The following MIS18A variants were observed in gnomAD, a reference collection of about 807,000 sequenced individuals.
MIS18A encodes the protein protein Mis18-alpha.
Under a neutral mutation model 25.0 loss-of-function variants are expected in MIS18A, and 14 were observed. The ratio of observed to expected loss-of-function variants is 0.56; its 90% CI spans 0.37 to 0.88. MIS18A has a LOEUF of 0.88. Among genes scored for constraint, MIS18A ranks in the 40% least tolerant of loss-of-function variants. The pLI, the probability that MIS18A is intolerant of heterozygous loss-of-function variation, is 0.00. For missense variants in MIS18A, 292 were observed against 290.8 expected (o/e 1.00, Z -0.03); for synonymous variants, 134 against 118.6 (o/e 1.13, Z -0.84).
chr21:32,206,516 T>C, the MIS18A span, among the ~76,000 whole-genome samples: 1 of 152,222 alleles, frequency 6.6e-6, no homozygotes, highest in South Asian at 2.1e-4. Flanking sequence ...TTAGCTTAAA[T>C]GGAGGGAAAA....
the MIS18A span, among the ~76,000 whole-genome samples, chr21:32,188,845 G>A: frequency 1.3e-5 from 2 of 152,220 alleles, no homozygotes; most frequent in East Asian, 3.8e-4. Context: ...ACGAGGCAGT[G>A]AGTGCCTCTG....
chr21:32,255,365 G>A, the MIS18A span, among the ~76,000 whole-genome samples: 20 of 151,804 alleles, frequency 1.3e-4, no homozygotes, highest in African/African-American at 3.6e-4. Context: ...TGAGTAGCTC[G>A]GATTACAGGT....
chr21:32,197,035 T>TA, the MIS18A span, among the ~76,000 whole-genome samples: 2 of 151,390 alleles, frequency 1.3e-5, no homozygotes, highest in Non-Finnish European at 2.9e-5. Context: ...ACAGCAGGAT[T>TA]AAAAAAAAAT....
chr21:32,229,178 T>C, the MIS18A span, among the ~76,000 whole-genome samples: 1 of 152,198 alleles, frequency 6.6e-6, no homozygotes, highest in Non-Finnish European at 1.5e-5. Flanking sequence ...ACTGGATATA[T>C]GTCAAAAAAA....
At chr21:32,183,001 T>A in the MIS18A span, among the ~76,000 whole-genome samples, 5 of 152,170 alleles carry the variant, frequency 3.3e-5, no homozygotes, top group African/African-American at 9.7e-5. Flanking sequence ...CCATTTCTTC[T>A]GGGGATTAGT....
At chr21:32,207,989 T>C in the MIS18A span, among the ~76,000 whole-genome samples, 3 of 152,248 alleles carry the variant, frequency 2.0e-5, no homozygotes, top group African/African-American at 7.2e-5. Context: ...TGCATTTTCA[T>C]TTGGCACTGG....
intron 4 of MIS18A, 88 bp from the exon 5 acceptor site, chr21:32,269,205 A>C: frequency 1.0e-6 from 1 of 995,196 alleles, no homozygotes; most frequent in Non-Finnish European, 1.5e-6. Flanking sequence ...TATACACTTA[A>C]TGCAATTTTG....
the MIS18A span, among the ~76,000 whole-genome samples, chr21:32,212,975 A>G: frequency 6.6e-6 from 1 of 152,330 alleles, no homozygotes; most frequent in Admixed American, 6.5e-5. Flanking sequence ...TATTAGTAGC[A>G]TGAGAACAGG....
At chr21:32,223,063 G>A in the MIS18A span, among the ~76,000 whole-genome samples, 64 of 151,974 alleles carry the variant, frequency 4.2e-4, no homozygotes, top group Middle Eastern at 0.014. Context: ...ATATAAAGAA[G>A]TTCTTTGAAA....
chr21:32,228,507 A>G, the MIS18A span, among the ~76,000 whole-genome samples: 1 of 152,204 alleles, frequency 6.6e-6, no homozygotes. Context: ...CCAGGGCAAC[A>G]GGCAAGAAAG....
chr21:32,211,331 A>T, the MIS18A span, among the ~76,000 whole-genome samples: 1 of 152,348 alleles, frequency 6.6e-6, no homozygotes, highest in East Asian at 1.9e-4. Context: ...GTGAGCCATC[A>T]TCCCTGACTG....
chr21:32,257,057 CT>C, the MIS18A span, among the ~76,000 whole-genome samples: 1 of 152,212 alleles, frequency 6.6e-6, no homozygotes, highest in African/African-American at 2.4e-5. Flanking sequence ...CTTGGAAACT[CT>C]GTCCAGGGGC....
At chr21:32,250,649 T>G in the MIS18A span, among the ~76,000 whole-genome samples, 1 of 152,178 alleles carries the variant, frequency 6.6e-6, no homozygotes, top group Non-Finnish European at 1.5e-5. Context: ...TGGACAGATG[T>G]GTGTAAAATC....
the MIS18A span, among the ~76,000 whole-genome samples, chr21:32,170,446 A>T: frequency 2.0e-5 from 3 of 152,174 alleles, no homozygotes; most frequent in Non-Finnish European, 4.4e-5. Context: ...TTTATATAGA[A>T]AATATAAGAA....
At chr21:32,265,262 C>T (rs913875333), downstream of MIS18A, among the ~76,000 whole-genome samples, 1 of 152,228 alleles carries the variant, frequency 6.6e-6, no homozygotes, top group African/African-American at 2.4e-5. Flanking sequence ...CCCCACTGCA[C>T]TGTGGGAGCC....
chr21:32,236,042 C>G, the MIS18A span, among the ~76,000 whole-genome samples: 1 of 151,046 alleles, frequency 6.6e-6, no homozygotes, highest in African/African-American at 2.4e-5. Context: ...CTTTTTTTCT[C>G]TGCTATTGTT....
the MIS18A span, among the ~76,000 whole-genome samples, chr21:32,181,412 C>G: frequency 6.6e-6 from 1 of 152,144 alleles, no homozygotes; most frequent in Non-Finnish European, 1.5e-5. Context: ...CATTAATATG[C>G]TCTGTTGGTT....
chr21:32,169,838 AG>A, the MIS18A span, among the ~76,000 whole-genome samples: 2 of 152,182 alleles, frequency 1.3e-5, no homozygotes, highest in African/African-American at 4.8e-5. Flanking sequence ...AGCCCAGGAA[AG>A]TCACTAGAAA....
rs1011764328 is a variant in MIS18A at position 32,279,045 on chromosome 21, C to A, written c.-31G>T. The A allele has an allele frequency of 1.5e-5, 24 of 1,550,732 alleles. No individual in the cohort carries two copies. Among genetic ancestry groups the A allele is most frequent in the African/African-American group, 6.9e-5 (5 of 72,878 alleles). On this transcript the variant is annotated 5_prime_UTR_variant, in exon 1 of 5. The change abolishes an upstream ATG in the 5' untranslated region. Coordinates refer to ENST00000290130, the MANE Select transcript of MIS18A (RefSeq NM_018944.3). ...ACAAATCGCCCGCGCCCCAGAGCGCCATGGGAAAAAAAACCGCCGCTGCTC... is the reference window on the plus strand; with the variant it reads ...ACAAATCGCCCGCGCCCCAGAGCGCAATGGGAAAAAAAACCGCCGCTGCTC...
Sources: gnomAD v4.1 joint callset for allele counts (sites outside exome capture counted in the v4.1 genomes callset) on GRCh38, gnomAD v4.1.1 for gene constraint, MANE v1.5 for transcripts, NCBI Gene and HGNC (gene_info 2026-07-23, HGNC 2026-07-21) for gene names.